The following GPC5 variants were observed in gnomAD, a reference collection of about 807,000 sequenced individuals.
GPC5 encodes glypican 5.
GPC5 carries 47 observed loss-of-function variants against 53.9 expected under a neutral mutation model. That is an observed-to-expected ratio of 0.87 (90% CI 0.69 to 1.11). GPC5 has a LOEUF of 1.11. Ranked by LOEUF, GPC5 falls within the 50% of genes most tolerant of loss-of-function variation. The pLI, the probability that GPC5 is intolerant of heterozygous loss-of-function variation, is 0.00. For synonymous variants in GPC5, 286 were observed against 263.3 expected (o/e 1.09, Z -0.84); for missense variants, 748 against 713.1 (o/e 1.05, Z -0.56).
chr13:92,496,755 C>T (rs1182667949), intron 7 of GPC5, among the ~76,000 whole-genome samples: 1 of 152,008 alleles, frequency 6.6e-6, no homozygotes, highest in Non-Finnish European at 1.5e-5. Flanking sequence ...TCATGAGTTC[C>T]CCTCTCAGTC....
chr13:91,572,065 G>GTA (rs1270362030), intron 2 of GPC5, among the ~76,000 whole-genome samples: 10 of 135,926 alleles, frequency 7.4e-5, no homozygotes, highest in Non-Finnish European at 1.5e-4. Context: ...ATATATACAT[G>GTA]TATATACACA....
chr13:91,970,435 C>T (rs547374828), intron 6 of GPC5, among the ~76,000 whole-genome samples: 4 of 151,732 alleles, frequency 2.6e-5, no homozygotes, highest in Non-Finnish European at 5.9e-5. Context: ...AGATTGCCCC[C>T]CCCTCACACA....
intron 6 of GPC5, among the ~76,000 whole-genome samples, chr13:91,998,645 A>G (rs2040526887): frequency 6.6e-6 from 1 of 152,236 alleles, no homozygotes. Flanking sequence ...ATGTCTCTGC[A>G]AAGATACTAT....
At chr13:92,587,531 A>T (rs1883575910) in intron 7 of GPC5, among the ~76,000 whole-genome samples, 1 of 152,170 alleles carries the variant, frequency 6.6e-6, no homozygotes, top group Admixed American at 6.5e-5. Flanking sequence ...AGAATTAAAA[A>T]GAAAAAGGGA....
At chr13:92,405,517 A>T (rs537192166) in intron 7 of GPC5, among the ~76,000 whole-genome samples, 2 of 152,214 alleles carry the variant, frequency 1.3e-5, no homozygotes, top group Non-Finnish European at 2.9e-5. Flanking sequence ...AAATTCTTAT[A>T]TTCAAAATTT....
chr13:92,188,682 AT>A (rs1364712646), intron 7 of GPC5, among the ~76,000 whole-genome samples: 2 of 152,186 alleles, frequency 1.3e-5, no homozygotes, highest in Non-Finnish European at 1.5e-5. Flanking sequence ...GGTTTTTCAC[AT>A]TTCTTTTTCC....
intron 6 of GPC5, among the ~76,000 whole-genome samples, chr13:92,137,469 G>A (rs550335370): frequency 6.6e-6 from 1 of 152,278 alleles, no homozygotes; most frequent in East Asian, 1.9e-4. Flanking sequence ...CAGGATTGGG[G>A]TAGCAGTGTC....
intron 6 of GPC5, among the ~76,000 whole-genome samples, chr13:91,929,030 A>T (rs1301952933): frequency 6.6e-6 from 1 of 152,142 alleles, no homozygotes; most frequent in African/African-American, 2.4e-5. Context: ...AGTGAAGTCC[A>T]GAGTAGGTTT....
intron 7 of GPC5, among the ~76,000 whole-genome samples, chr13:92,536,696 T>C (rs556034649): frequency 2.6e-5 from 4 of 152,246 alleles, no homozygotes; most frequent in African/African-American, 7.2e-5. Flanking sequence ...TCTACAAATA[T>C]AGCCTTGAGT....
chr13:91,664,302 C>A (rs1359307137), intron 2 of GPC5, among the ~76,000 whole-genome samples: 1 of 152,172 alleles, frequency 6.6e-6, no homozygotes, highest in Non-Finnish European at 1.5e-5. Flanking sequence ...CCTGTTCCAG[C>A]CAGAGGGAAA....
intron 7 of GPC5, among the ~76,000 whole-genome samples, chr13:92,370,321 G>A (rs973810302): frequency 1.7e-4 from 26 of 152,208 alleles, no homozygotes; most frequent in South Asian, 4.1e-4. Flanking sequence ...CTTATTTTCC[G>A]TAATGTGGTC....
intron 7 of GPC5, among the ~76,000 whole-genome samples, chr13:92,479,198 C>T (rs1451403237): frequency 6.6e-6 from 1 of 152,112 alleles, no homozygotes; most frequent in Non-Finnish European, 1.5e-5. Flanking sequence ...CATACTTCAT[C>T]TGTGTATAGA....
intron 7 of GPC5, among the ~76,000 whole-genome samples, chr13:92,279,827 T>A (rs865945615): frequency 2.0e-5 from 3 of 152,128 alleles, no homozygotes. Flanking sequence ...AGTATTTTGT[T>A]GAGCATTTTT....
At chr13:91,437,727 TCTC>T (rs1160468727) in intron 1 of GPC5, among the ~76,000 whole-genome samples, 2 of 152,204 alleles carry the variant, frequency 1.3e-5, no homozygotes, top group Non-Finnish European at 2.9e-5. Context: ...CTGGGGAAGT[TCTC>T]CTGGATAATA....
intron 7 of GPC5, among the ~76,000 whole-genome samples, chr13:92,409,432 G>C (rs990718413): frequency 6.6e-6 from 1 of 151,960 alleles, no homozygotes; most frequent in Non-Finnish European, 1.5e-5. Flanking sequence ...AAGAAGTATA[G>C]AAATTTCCAA....
At chr13:91,806,427 A>G (rs144866739) in intron 5 of GPC5, among the ~76,000 whole-genome samples, 54 of 124,970 alleles carry the variant, frequency 4.3e-4, no homozygotes, top group African/African-American at 1.4e-3. Context: ...TGGTTTAATT[A>G]ATTTAATTTC....
At position 92,152,320 on chromosome 13, in the gene GPC5, G is replaced by C. The variant is rs139187776; in HGVS notation, c.1561+7331G>C. On this transcript the variant is annotated intron_variant, in intron 7 of 7. Coordinates refer to ENST00000377067, the MANE Select transcript of GPC5 (RefSeq NM_004466.6). ...GAACAAGTAACTTCTCTCCTACCTT[G>C]TACAAGTTCTGTGCCTAGATTTCCT... Among the ~76,000 whole-genome samples, 338 of 152,186 alleles carry C rather than the reference G, an allele frequency of 2.2e-3. 3 individuals carry two copies. The highest frequency in any genetic ancestry group is 7.8e-3 in the African/African-American group (322 of 41,518).
At chr13:92,110,275 C>T (rs908074646) in intron 6 of GPC5, among the ~76,000 whole-genome samples, 9 of 152,152 alleles carry the variant, frequency 5.9e-5, no homozygotes, top group Non-Finnish European at 1.5e-5. Flanking sequence ...AATTTTTACT[C>T]ATTTTCATCT....
At chr13:91,497,016 C>T (rs935776312) in intron 2 of GPC5, among the ~76,000 whole-genome samples, 1 of 152,180 alleles carries the variant, frequency 6.6e-6, no homozygotes, top group East Asian at 1.9e-4. Flanking sequence ...TGTTTATTTT[C>T]TTCCCTTTTA....
Sources: allele counts gnomAD v4.1 joint callset (sites outside exome capture counted in the v4.1 genomes callset), GRCh38; gene constraint gnomAD v4.1.1; transcripts MANE v1.5; gene names NCBI Gene and HGNC (gene_info 2026-07-23, HGNC 2026-07-21).